The following NELL1 variants were observed in gnomAD, a reference collection of about 807,000 sequenced individuals.
NELL1 encodes the protein protein kinase C-binding protein NELL1.
Under a neutral mutation model 107.4 loss-of-function variants are expected in NELL1, and 76 were observed. That is an observed-to-expected ratio of 0.71 (90% CI 0.59 to 0.86). The LOEUF is 0.86. NELL1 is among the 40% of genes least tolerant of loss of function. The pLI, the probability that NELL1 is intolerant of heterozygous loss-of-function variation, is 0.00. For missense variants in NELL1, 1,024 were observed against 1,005.5 expected (o/e 1.02, Z -0.25); for synonymous variants, 353 against 341.2 (o/e 1.03, Z -0.38).
At chr11:21,204,724 G>A (rs933238664) in intron 13 of NELL1, among the ~76,000 whole-genome samples, 4 of 151,892 alleles carry the variant, frequency 2.6e-5, no homozygotes, top group Non-Finnish European at 5.9e-5. Context: ...GTCTTTTTAC[G>A]CTGGTTTCTC....
At chr11:21,271,932 A>G (rs1383416019) in intron 14 of NELL1, among the ~76,000 whole-genome samples, 1 of 152,242 alleles carries the variant, frequency 6.6e-6, no homozygotes, top group Non-Finnish European at 1.5e-5. Flanking sequence ...TGGAGCCAAG[A>G]TGGCTGAATA....
At chr11:21,333,761 A>G (rs2133689700) in intron 14 of NELL1, among the ~76,000 whole-genome samples, 1 of 152,170 alleles carries the variant, frequency 6.6e-6, no homozygotes, top group Middle Eastern at 3.4e-3. Flanking sequence ...CTTGTCCAGT[A>G]AGTGACTGCT....
At chr11:21,159,975 C>T (rs77499442) in intron 13 of NELL1, among the ~76,000 whole-genome samples, 5,359 of 152,232 alleles carry the variant, frequency 0.035, 176 homozygotes, top group Non-Finnish European at 0.047. Context: ...AATGTCCGTT[C>T]GTGATTCTTA....
At position 21,105,324 on chromosome 11, in the gene NELL1, T is replaced by C. The variant is rs142012652; in HGVS notation, c.1301-8265T>C. On this transcript the variant is annotated intron_variant, in intron 12 of 19. Coordinates refer to ENST00000357134, the MANE Select transcript of NELL1 (RefSeq NM_006157.5). ...TCTGCCCAAGGCAAAGTGCACAGTG[T>C]TTTATAGACAGGCTTGATGAGACAG... Among the ~76,000 whole-genome samples the C allele has an allele frequency of 1.2e-3, 190 of 152,240 alleles. 1 individual carries two copies. The highest frequency in any genetic ancestry group is 4.4e-3 in the African/African-American group (182 of 41,548).
chr11:21,438,199 A>C lies in NELL1; in HGVS notation c.1645+67251A>C, dbSNP rs547085758. Among the ~76,000 whole-genome samples, 105 of 151,922 alleles carry C rather than the reference A, an allele frequency of 6.9e-4. 1 individual carries two copies. The highest frequency in any genetic ancestry group is 1.3e-3 in the Non-Finnish European group (85 of 67,946). On this transcript the variant is annotated intron_variant, in intron 15 of 19. Transcript: ENST00000357134. The stretch of plus-strand genomic sequence containing the variant: ...TTTCCCTCAGTTTTGCTCATCTGGA[A>C]TAGAGTTTATTTTTCATTTCTGAAG...
At chr11:20,683,287 G>A (rs150394418) in intron 2 of NELL1, among the ~76,000 whole-genome samples, 306 of 152,082 alleles carry the variant, frequency 2.0e-3, no homozygotes, top group African/African-American at 6.6e-3. Flanking sequence ...TCAATTATAC[G>A]TTTAACTCAT....
intron 15 of NELL1, among the ~76,000 whole-genome samples, chr11:21,393,049 T>C (rs1851913064): frequency 6.6e-6 from 1 of 151,708 alleles, no homozygotes; most frequent in African/African-American, 2.4e-5. Flanking sequence ...TGAAATATAA[T>C]TTCAAGTGAT....
chr11:21,473,445 C>A (rs544216409), intron 15 of NELL1, among the ~76,000 whole-genome samples: 2 of 152,176 alleles, frequency 1.3e-5, no homozygotes, highest in South Asian at 4.1e-4. Flanking sequence ...ACAAAAATGT[C>A]ATTCTTATAT....
At chr11:21,462,128 T>G (rs2133873530) in intron 15 of NELL1, among the ~76,000 whole-genome samples, 1 of 152,140 alleles carries the variant, frequency 6.6e-6, no homozygotes, top group East Asian at 1.9e-4. Flanking sequence ...GACCTTTTGG[T>G]TTAAATGGGA....
chr11:21,279,312 TCA>T (rs1408406928), intron 14 of NELL1, among the ~76,000 whole-genome samples: 2 of 152,116 alleles, frequency 1.3e-5, no homozygotes, highest in African/African-American at 4.8e-5. Context: ...AAAGACACTG[TCA>T]AGAAAGTGAG....
intron 15 of NELL1, among the ~76,000 whole-genome samples, chr11:21,482,099 T>C (rs753596453): frequency 1.3e-5 from 2 of 152,148 alleles, no homozygotes; most frequent in Non-Finnish European, 2.9e-5. Context: ...AATTAACAAG[T>C]GAGATGACTA....
chr11:20,834,111 C>T (rs1564927634), intron 3 of NELL1, among the ~76,000 whole-genome samples: 1 of 152,076 alleles, frequency 6.6e-6, no homozygotes, highest in Non-Finnish European at 1.5e-5. Flanking sequence ...GGCGTGGATT[C>T]GGTGAGACCT....
chr11:20,728,366 C>T (rs1855555846), intron 2 of NELL1, among the ~76,000 whole-genome samples: 1 of 152,078 alleles, frequency 6.6e-6, no homozygotes, highest in African/African-American at 2.4e-5. Flanking sequence ...AGGACTTAGT[C>T]ATAAATTCTT....
intron 14 of NELL1, among the ~76,000 whole-genome samples, chr11:21,257,547 C>T (rs1488995351): frequency 1.3e-5 from 2 of 151,882 alleles, no homozygotes; most frequent in Non-Finnish European, 2.9e-5. Flanking sequence ...TTGAGACAAC[C>T]TAGTATGTCA....
intron 15 of NELL1, among the ~76,000 whole-genome samples, chr11:21,376,125 G>T (rs1355628736): frequency 3.5e-5 from 5 of 144,630 alleles, no homozygotes; most frequent in African/African-American, 1.1e-4. Flanking sequence ...CTTTCCTAAG[G>T]CTGATGTCCA....
At chr11:20,904,443 A>G (rs1175503553) in intron 5 of NELL1, among the ~76,000 whole-genome samples, 1 of 152,176 alleles carries the variant, frequency 6.6e-6, no homozygotes, top group African/African-American at 2.4e-5. Flanking sequence ...AAACATTTCA[A>G]ATCTAACAAA....
At chr11:20,983,828 C>T (rs1414979551) in intron 12 of NELL1, among the ~76,000 whole-genome samples, 5 of 152,132 alleles carry the variant, frequency 3.3e-5, no homozygotes, top group African/African-American at 1.2e-4. Flanking sequence ...GGCCTTGGTG[C>T]ACAGTTTCTC....
At chr11:20,678,651 G>A (rs941312282) in intron 2 of NELL1, among the ~76,000 whole-genome samples, 1 of 152,180 alleles carries the variant, frequency 6.6e-6, no homozygotes, top group Admixed American at 6.5e-5. Context: ...GGTACTTAGT[G>A]GGGGCTGGCT....
intron 2 of NELL1, among the ~76,000 whole-genome samples, chr11:20,699,637 C>A (rs545393077): frequency 1.3e-5 from 2 of 152,270 alleles, no homozygotes; most frequent in South Asian, 2.1e-4. Context: ...GGATTACAGG[C>A]GTGAGCCACT....
Sources: allele counts gnomAD v4.1 joint callset (sites outside exome capture counted in the v4.1 genomes callset), GRCh38; gene constraint gnomAD v4.1.1; transcripts MANE v1.5; gene names NCBI Gene and HGNC (gene_info 2026-07-23, HGNC 2026-07-21).